NPAS3: variants seen among roughly 807,000 people sequenced by gnomAD.
NPAS3 encodes the protein neuronal PAS domain protein 3.
NPAS3 carries 14 observed loss-of-function variants against 73.1 expected under a neutral mutation model. The ratio of observed to expected loss-of-function variants is 0.19; its 90% CI spans 0.13 to 0.30. The LOEUF is 0.30. NPAS3 is among the 10% of genes least tolerant of loss of function. NPAS3 has a pLI of 1.00. For missense variants in NPAS3, 1,096 were observed against 1,250.0 expected, an observed-to-expected ratio of 0.88 and a Z score of 1.86; for synonymous variants, 620 against 541.5, an observed-to-expected ratio of 1.14 and a Z score of -2.01.
At chr14:33,380,611 T>A (rs150595118) in intron 4 of NPAS3, among the ~76,000 whole-genome samples, 1 of 152,304 alleles carries the variant, frequency 6.6e-6, no homozygotes, top group East Asian at 1.9e-4. Flanking sequence ...GAACCGTGTC[T>A]AAGAAAAGAA....
intron 1 of NPAS3, among the ~76,000 whole-genome samples, chr14:32,970,755 C>T (rs1487670001): frequency 6.6e-6 from 1 of 152,142 alleles, no homozygotes; most frequent in Non-Finnish European, 1.5e-5. Context: ...ATGCCTCATC[C>T]CAATATCTGC....
chr14:32,968,086 A>G (rs1004633961), intron 1 of NPAS3, among the ~76,000 whole-genome samples: 2 of 152,148 alleles, frequency 1.3e-5, no homozygotes, highest in Non-Finnish European at 2.9e-5. Context: ...CAGGGAGACT[A>G]GAGGGGCAGG....
At chr14:33,718,355 C>T (rs866443178) in intron 6 of NPAS3, among the ~76,000 whole-genome samples, 2 of 152,086 alleles carry the variant, frequency 1.3e-5, no homozygotes, top group Middle Eastern at 3.4e-3. Context: ...TATTCCTTGC[C>T]TAATTCTCCT....
chr14:33,680,191 C>G (rs1214314417), intron 6 of NPAS3, among the ~76,000 whole-genome samples: 2 of 152,154 alleles, frequency 1.3e-5, no homozygotes, highest in East Asian at 3.9e-4. Context: ...CTATCCTCAT[C>G]TTTTTCTTAA....
intron 3 of NPAS3, among the ~76,000 whole-genome samples, chr14:33,298,529 A>G (rs79490014): frequency 0.036 from 5,434 of 152,252 alleles, 111 homozygotes; most frequent in Non-Finnish European, 0.054. Context: ...ACCAGCTTAC[A>G]TTTACATGAA....
intron 6 of NPAS3, among the ~76,000 whole-genome samples, chr14:33,710,237 A>T (rs2060779630): frequency 6.6e-6 from 1 of 152,230 alleles, no homozygotes; most frequent in African/African-American, 2.4e-5. Context: ...ATTAAAAAAT[A>T]GATCAGAACA....
intron 6 of NPAS3, among the ~76,000 whole-genome samples, chr14:33,701,776 G>A (rs4128599): frequency 0.34 from 51,883 of 151,890 alleles, 9,377 homozygotes; most frequent in African/African-American, 0.46. Context: ...TCCAGTGTTC[G>A]TACTGAATCA....
chr14:33,740,744 A>C (rs1242053286), intron 7 of NPAS3, among the ~76,000 whole-genome samples: 1 of 152,212 alleles, frequency 6.6e-6, no homozygotes, highest in Non-Finnish European at 1.5e-5. Context: ...AAAATGAGAA[A>C]TGAGTCATGT....
At chr14:33,621,933 G>C (rs2058087473) in intron 5 of NPAS3, among the ~76,000 whole-genome samples, 1 of 152,116 alleles carries the variant, frequency 6.6e-6, no homozygotes, top group African/African-American at 2.4e-5. Flanking sequence ...ATAAACTCCT[G>C]CTTGGAGCCC....
chr14:33,493,623 C>T (rs2052018103), intron 4 of NPAS3, among the ~76,000 whole-genome samples: 1 of 152,088 alleles, frequency 6.6e-6, no homozygotes, highest in South Asian at 2.1e-4. Context: ...GTAATTAAGG[C>T]TCTGTGGTTA....
downstream of NPAS3, chr14:33,803,270 A>C (rs2063757198): frequency 6.6e-6 from 1 of 152,202 alleles, no homozygotes; most frequent in Admixed American, 6.5e-5. Flanking sequence ...ATGGGAGGGG[A>C]TAATGGAATC....
At chr14:33,042,886 A>AT (rs572733614) in intron 1 of NPAS3, among the ~76,000 whole-genome samples, 4 of 152,138 alleles carry the variant, frequency 2.6e-5, no homozygotes, top group Admixed American at 6.5e-5. Context: ...ATAGAGAGCC[A>AT]TTTTTTTCCT....
chr14:33,044,849 A>T (rs1388503898), intron 1 of NPAS3, among the ~76,000 whole-genome samples: 1 of 152,166 alleles, frequency 6.6e-6, no homozygotes, highest in Non-Finnish European at 1.5e-5. Context: ...GTGACTATAA[A>T]ATACAGTAGC....
intron 4 of NPAS3, among the ~76,000 whole-genome samples, chr14:33,466,147 G>A (rs922260860): frequency 1.3e-5 from 2 of 152,130 alleles, no homozygotes; most frequent in African/African-American, 4.8e-5. Context: ...CTGTGTGGGA[G>A]AGAGGATGGA....
At chr14:33,334,309 A>G (rs1269538954) in intron 3 of NPAS3, among the ~76,000 whole-genome samples, 3 of 152,190 alleles carry the variant, frequency 2.0e-5, no homozygotes, top group Non-Finnish European at 2.9e-5. Flanking sequence ...TTATGCGACC[A>G]TCACCACAAT....
chr14:33,012,199 C>T (rs1277666672), intron 1 of NPAS3, among the ~76,000 whole-genome samples: 1 of 152,192 alleles, frequency 6.6e-6, no homozygotes, highest in Admixed American at 6.5e-5. Context: ...TACAGGAGCA[C>T]TGTGAGTTTT....
chr14:33,679,866 C>T (rs1443482213), intron 6 of NPAS3, among the ~76,000 whole-genome samples: 4 of 152,208 alleles, frequency 2.6e-5, no homozygotes, highest in Non-Finnish European at 4.4e-5. Flanking sequence ...GATTGTACAG[C>T]AAACCCAAAT....
At chr14:33,524,589 A>G (rs2053709160) in intron 4 of NPAS3, among the ~76,000 whole-genome samples, 1 of 152,196 alleles carries the variant, frequency 6.6e-6, no homozygotes, top group African/African-American at 2.4e-5. Context: ...CCTTCCTCTA[A>G]TAGAAAGATG....
chr14:33,576,483 G>T (rs988423467), intron 5 of NPAS3, among the ~76,000 whole-genome samples: 1 of 152,134 alleles, frequency 6.6e-6, no homozygotes, highest in Non-Finnish European at 1.5e-5. Flanking sequence ...AGTATAAACA[G>T]ACTGGAGGGC....
Sources: allele counts gnomAD v4.1 joint callset (sites outside exome capture counted in the v4.1 genomes callset), GRCh38; gene constraint gnomAD v4.1.1; transcripts MANE v1.5; gene names NCBI Gene and HGNC (gene_info 2026-07-23, HGNC 2026-07-21).